SCAPER: variants seen among roughly 807,000 people sequenced by gnomAD.
The protein encoded by SCAPER is S-phase cyclin A associated protein in the ER, also known as S phase cyclin A-associated protein in the endoplasmic reticulum.
A neutral mutation model predicts 182.2 loss-of-function variants in SCAPER; 98 were observed. The observed-to-expected ratio is 0.54, with a 90% confidence interval of 0.46 to 0.64. The LOEUF is 0.64. SCAPER is among the 30% of genes least tolerant of loss of function. SCAPER has a pLI of 0.00. For missense variants in SCAPER, 1,432 were observed against 1,690.0 expected (o/e 0.85, Z 2.68); for synonymous variants, 605 against 564.6 (o/e 1.07, Z -1.01).
chr15:76,850,617 T>C (rs2070640297), intron 4 of SCAPER, among the ~76,000 whole-genome samples: 1 of 152,022 alleles, frequency 6.6e-6, no homozygotes, highest in Admixed American at 6.6e-5. Flanking sequence ...TCCCAGCACT[T>C]TGAGAGGCTA....
At chr15:76,719,420 G>A (rs1298618510) in intron 17 of SCAPER, among the ~76,000 whole-genome samples, 1 of 152,110 alleles carries the variant, frequency 6.6e-6, no homozygotes, top group African/African-American at 2.4e-5. Flanking sequence ...AGGAGACGTA[G>A]ATCAGAGGAT....
chr15:76,760,630 C>A (rs1171970341), intron 14 of SCAPER, among the ~76,000 whole-genome samples: 1 of 152,182 alleles, frequency 6.6e-6, no homozygotes, highest in East Asian at 1.9e-4. Context: ...ATTCAGGACA[C>A]TACCAAGAGT....
At chr15:76,680,730 T>A (rs2057656464) in intron 20 of SCAPER, among the ~76,000 whole-genome samples, 2 of 152,070 alleles carry the variant, frequency 1.3e-5, no homozygotes, top group Admixed American at 1.3e-4. Context: ...CACCATGTGA[T>A]CTCTGCATGC....
At chr15:76,852,691 A>G (rs1001977545) in intron 4 of SCAPER, among the ~76,000 whole-genome samples, 2 of 152,182 alleles carry the variant, frequency 1.3e-5, no homozygotes, top group South Asian at 4.1e-4. Flanking sequence ...AGCTAAGGCA[A>G]TGTTAAGAGG....
intron 1 of SCAPER, among the ~76,000 whole-genome samples, chr15:76,901,013 C>G (rs1178190938): frequency 6.6e-6 from 1 of 152,170 alleles, no homozygotes; most frequent in Non-Finnish European, 1.5e-5. Context: ...CACAGGCATA[C>G]TCAAAAACTA....
intron 22 of SCAPER, among the ~76,000 whole-genome samples, chr15:76,608,341 G>T (rs918992321): frequency 2.6e-5 from 4 of 152,218 alleles, no homozygotes; most frequent in African/African-American, 7.2e-5. Context: ...GGATTTTGGT[G>T]AACCGCAAAT....
intron 4 of SCAPER, among the ~76,000 whole-genome samples, chr15:76,852,285 C>G (rs1287597624): frequency 6.6e-6 from 1 of 152,116 alleles, no homozygotes; most frequent in Non-Finnish European, 1.5e-5. Flanking sequence ...ATCGTCAAGA[C>G]AGAAAATTAA....
chr15:76,526,964 C>T (rs973891803), intron 23 of SCAPER, among the ~76,000 whole-genome samples: 2 of 151,936 alleles, frequency 1.3e-5, no homozygotes, highest in Non-Finnish European at 2.9e-5. Flanking sequence ...CTCTACCTCC[C>T]GTGTTCAAGC....
intron 22 of SCAPER, among the ~76,000 whole-genome samples, chr15:76,606,261 C>T (rs2050386855): frequency 1.3e-5 from 2 of 152,166 alleles, no homozygotes; most frequent in Admixed American, 1.3e-4. Flanking sequence ...TTTATTTCTG[C>T]CTTCATTTCA....
intron 25 of SCAPER, among the ~76,000 whole-genome samples, chr15:76,438,279 CAAAA>C (rs372587932): frequency 9.0e-6 from 1 of 111,010 alleles, no homozygotes. Context: ...GAGACTGTCT[CAAAA>C]AAAAAAAAAA....
chr15:76,796,147 C>T (rs2065310481), intron 7 of SCAPER, among the ~76,000 whole-genome samples: 1 of 152,136 alleles, frequency 6.6e-6, no homozygotes, highest in Non-Finnish European at 1.5e-5. Context: ...TCTTTGTGTA[C>T]ATTTCTTACA....
intron 2 of SCAPER, among the ~76,000 whole-genome samples, chr15:76,865,358 T>C (rs149477261): frequency 6.6e-6 from 1 of 152,124 alleles, no homozygotes; most frequent in Non-Finnish European, 1.5e-5. Context: ...CAGGAAGTGA[T>C]AAAAGTAATA....
chr15:76,707,866 T>C (rs2059341013), intron 17 of SCAPER, among the ~76,000 whole-genome samples: 1 of 152,092 alleles, frequency 6.6e-6, no homozygotes, highest in Admixed American at 6.5e-5. Context: ...GCTCAATAAA[T>C]GTAAAAGCAA....
chr15:76,636,015 T>C (rs904271554), intron 21 of SCAPER, among the ~76,000 whole-genome samples: 1 of 152,238 alleles, frequency 6.6e-6, no homozygotes, highest in Non-Finnish European at 1.5e-5. Context: ...CTGAAGATTT[T>C]ATTTCTTGTG....
In SCAPER at chr15:76,775,094, C is replaced by T. The variant is rs1452046063; in HGVS notation, c.796G>A (p.Glu266Lys). The T allele has an allele frequency of 1.9e-6, 3 of 1,612,942 alleles. No homozygotes were observed. Among genetic ancestry groups the T allele is most frequent in the African/African-American group, 2.7e-5 (2 of 74,850 alleles). Residue 266 changes from glutamate to lysine, a missense_variant, in exon 9 of 32, where the codon GAG (glutamate) becomes AAG (lysine). Around this residue, in one of 5 missense-constraint regions of SCAPER, gnomAD observed 480 missense variants for 510.2 expected, o/e 0.94. Transcript: ENST00000563290. ...ATAGGCCTTCCTCTCTGAACGGTCT[C>T]CCATCCTTCAGCATCTTTCCGTTCT... The part of the protein sequence containing the change: ...KNERKDAEGW[E>K]TVQRGRPIRS...
rs561265434 is a variant in SCAPER, at chr15:76,615,677, G to A, written c.2711+6087C>T. ...CTACTAAAAATACAAAAAACTAGCT[G>A]GGCACGGTGGCACACACCTGTAATC... On this transcript the variant is annotated intron_variant, in intron 22 of 31. Coordinates refer to ENST00000563290, the MANE Select transcript of SCAPER (RefSeq NM_020843.4). Among the ~76,000 whole-genome samples, 189 of 150,680 alleles carry A rather than the reference G, an allele frequency of 1.3e-3. 2 individuals are homozygous for A. Among genetic ancestry groups the A allele is most frequent in the African/African-American group, 4.5e-3 (185 of 41,006 alleles).
At position 76,702,915 on chromosome 15, in the gene SCAPER, T is replaced by A; in HGVS notation, c.2335A>T (p.Thr779Ser). The change falls in exon 19 of 32, where the codon ACT becomes TCT. Residue 779 changes from threonine (T) to serine (S), a missense_variant. Coordinates refer to ENST00000563290, the MANE Select transcript of SCAPER (RefSeq NM_020843.4). ...GGGGTCAGTTTGGGGGCATAATCAG[T>A]ATTTGCATGTCGCCCACTGCTTAGC... is the stretch of plus-strand genomic sequence containing the variant. ...AELSSGRHAN[T>S]DYAPKLTPYE... 1.9e-6 allele frequency: 3 copies of A among 1,611,672 alleles called. No individual in the cohort carries two copies. The highest frequency in any genetic ancestry group is 2.5e-6 in the Non-Finnish European group (3 of 1,179,174).
chr15:76,391,502 G>A (rs2043694602), intron 27 of SCAPER, among the ~76,000 whole-genome samples: 1 of 152,156 alleles, frequency 6.6e-6, no homozygotes, highest in Non-Finnish European at 1.5e-5. Context: ...AGAAATAGAA[G>A]GAAGAAAGGG....
At chr15:76,539,630 C>T (rs1168035368) in intron 23 of SCAPER, among the ~76,000 whole-genome samples, 7 of 151,102 alleles carry the variant, frequency 4.6e-5, no homozygotes, top group Non-Finnish European at 7.4e-5. Flanking sequence ...CTACAGGCTC[C>T]GCCCCTTGGG....
Sources: gnomAD v4.1 joint callset for allele counts (sites outside exome capture counted in the v4.1 genomes callset) on GRCh38, gnomAD v4.1.1 for gene constraint, gnomAD v4.1.1 regional missense constraint, MANE v1.5 for transcripts, NCBI Gene and HGNC (gene_info 2026-07-23, HGNC 2026-07-21) for gene names.